Variants in COL4A3 observed in about 807,000 individuals in gnomAD.
COL4A3 encodes the protein collagen alpha-3(IV) chain.
Under a neutral mutation model 217.4 loss-of-function variants are expected in COL4A3, and 135 were observed. That is an observed-to-expected ratio of 0.62 (90% CI 0.54 to 0.72). COL4A3 has a LOEUF of 0.72. Ranked by LOEUF, COL4A3 falls within the 30% of genes least tolerant of loss-of-function variation. The probability of loss-of-function intolerance (pLI) is 0.00; values close to 1 mark genes in which losing one functional copy is unlikely to be tolerated. For missense variants in COL4A3, 1,868 were observed against 2,119.9 expected (o/e 0.88, Z 2.33); for synonymous variants, 690 against 736.3 (o/e 0.94, Z 1.02).
chr2:227,237,450 A>G (rs1273015999), intron 1 of COL4A3, among the ~76,000 whole-genome samples: 1 of 152,234 alleles, frequency 6.6e-6, no homozygotes, highest in Non-Finnish European at 1.5e-5. Flanking sequence ...GGCACTAACC[A>G]AATACATTGT....
chr2:227,286,529 T>C (rs927983467), intron 34 of COL4A3, among the ~76,000 whole-genome samples: 2 of 152,094 alleles, frequency 1.3e-5, no homozygotes, highest in Non-Finnish European at 2.9e-5. Flanking sequence ...TAGGAGTAGG[T>C]ACTACTATTG....
chr2:227,202,864 T>G lies in COL4A3; in HGVS notation c.88-35104T>G, dbSNP rs1380985459. Among the ~76,000 whole-genome samples, 2 of 44,586 alleles carry G rather than the reference T, an allele frequency of 4.5e-5. 1 individual carries two copies. Among genetic ancestry groups the G allele is most frequent in the Non-Finnish European group, 8.0e-5 (2 of 25,148 alleles). The allele number at this position is 44,586 out of a possible 152,430, so 29.3% of individuals were successfully genotyped here. On this transcript the variant is annotated intron_variant, in intron 1 of 51. Coordinates refer to ENST00000396578, the MANE Select transcript of COL4A3 (RefSeq NM_000091.5). ...ATATATACATATGTGTATATATACA[T>G]ATATGTGTATATATACATATGTGTA...
intron 42 of COL4A3, 149 bp downstream of exon 42, chr2:227,298,008 A>G (rs930786924): frequency 1.1e-6 from 1 of 926,116 alleles, no homozygotes; most frequent in African/African-American, 1.6e-5. Context: ...CATACCCAGC[A>G]GTTGTCAAGG....
chr2:227,194,990 TAATCTA>T (rs1230980987), intron 1 of COL4A3, among the ~76,000 whole-genome samples: 1 of 152,144 alleles, frequency 6.6e-6, no homozygotes, highest in Non-Finnish European at 1.5e-5. Context: ...AAGAGATAGA[TAATCTA>T]AATAAACCAA....
rs78774150 is a variant in COL4A3 at position 227,194,511 on chromosome 2, C to T, written c.87+29698C>T. ...TTGCCAGAAGCCTGAAAGCTCAGGA[C>T]CCCCTTGTGGGAGCCCCTTTCTGTG... is the stretch of plus-strand genomic sequence containing the variant. On this transcript the variant is annotated intron_variant, in intron 1 of 51. Transcript: ENST00000396578. Among the ~76,000 whole-genome samples, 774 of 152,314 alleles carry T rather than the reference C, an allele frequency of 5.1e-3. 6 individuals carry two copies. The highest frequency in any genetic ancestry group is 0.017 in the African/African-American group (719 of 41,574).
At chr2:227,289,070 C>T (rs1395378829) in intron 34 of COL4A3, 80 bp from the exon 35 acceptor site, 26 of 1,043,520 alleles carry the variant, frequency 2.5e-5, no homozygotes, top group Non-Finnish European at 3.6e-5. Context: ...CCTGCCTCAG[C>T]CTCCCACGTA....
chr2:227,171,556 T>A (rs901421557), intron 1 of COL4A3, among the ~76,000 whole-genome samples: 1 of 152,188 alleles, frequency 6.6e-6, no homozygotes, highest in African/African-American at 2.4e-5. Context: ...TGTCTTAGTC[T>A]GCTTGGGCTG....
rs1574748157 is a variant in COL4A3 at position 227,270,838 on chromosome 2, G to A, written c.1644G>A (p.Gly548=). ...GEKGETLQPE[G]QVGVPGDPGL... ...AAGGTGAAACACTTCAGCCTGAGGG[G>A]CAAGTGGGTGTCCCAGGTGACCCGG... Residue 548 remains glycine, a synonymous_variant, in exon 25 of 52, where the codon GGG becomes GGA. Transcript: ENST00000396578. 1 of 1,614,178 alleles carries A rather than the reference G, an allele frequency of 6.2e-7. No homozygotes were observed. The highest frequency in any genetic ancestry group is 8.5e-7 in the Non-Finnish European group (1 of 1,180,038).
At chr2:227,239,652 AT>A (rs1044123657) in intron 2 of COL4A3, among the ~76,000 whole-genome samples, 4 of 152,178 alleles carry the variant, frequency 2.6e-5, no homozygotes, top group African/African-American at 9.7e-5. Flanking sequence ...CAAATAACAG[AT>A]TAAATTACTA....
At chr2:227,275,699 C>T (rs915908552) in intron 26 of COL4A3, among the ~76,000 whole-genome samples, 5 of 152,164 alleles carry the variant, frequency 3.3e-5, no homozygotes, top group East Asian at 1.9e-4. Flanking sequence ...TTCTTTCCCC[C>T]GCGACAGATG....
intron 1 of COL4A3, among the ~76,000 whole-genome samples, chr2:227,178,107 A>G (rs1391195489): frequency 1.3e-5 from 2 of 152,122 alleles, no homozygotes; most frequent in Non-Finnish European, 2.9e-5. Flanking sequence ...GGGCATGCTG[A>G]CTCACACCTG....
intron 34 of COL4A3, among the ~76,000 whole-genome samples, chr2:227,288,424 G>T (rs143233056): frequency 6.6e-6 from 1 of 152,212 alleles, no homozygotes; most frequent in Admixed American, 6.5e-5. Flanking sequence ...CAGGAGAAGA[G>T]TATGATCAAA....
intron 1 of COL4A3, among the ~76,000 whole-genome samples, chr2:227,165,017 G>A (rs1279768910): frequency 6.6e-6 from 1 of 152,206 alleles, no homozygotes; most frequent in Non-Finnish European, 1.5e-5. Context: ...TGGAATGCGC[G>A]GGGCTGGGGG....
At chr2:227,233,812 C>A (rs1395054281) in intron 1 of COL4A3, among the ~76,000 whole-genome samples, 1 of 152,108 alleles carries the variant, frequency 6.6e-6, no homozygotes, top group Non-Finnish European at 1.5e-5. Flanking sequence ...AGCCTCTCAC[C>A]CGACTGCTAA....
intron 1 of COL4A3, among the ~76,000 whole-genome samples, chr2:227,185,626 C>T (rs1177928697): frequency 2.0e-5 from 3 of 152,190 alleles, no homozygotes; most frequent in African/African-American, 7.2e-5. Context: ...CACCATGTAG[C>T]TATTTGGTGT....
At chr2:227,284,431 A>G in intron 34 of COL4A3, 86 bp downstream of exon 34, 1 of 1,480,926 alleles carries the variant, frequency 6.8e-7, no homozygotes, top group Non-Finnish European at 9.2e-7. Flanking sequence ...TGGTTGACAA[A>G]TAAGGACAGT....
rs1194237728 is a variant in COL4A3 at position 227,250,904 on chromosome 2, T to G, written c.547-236T>G. ...GAGAAAAGCAAAATTTTGAAACGTC[T>G]GAAGTAAAGCAACTACTTTGGTCAT... On this transcript the variant is annotated intron_variant, in intron 9 of 51. Coordinates refer to ENST00000396578, the MANE Select transcript of COL4A3 (RefSeq NM_000091.5). The surrounding 1 kb of genome is among the most constrained non-coding windows in gnomAD (Gnocchi z 4.1). Among the ~76,000 whole-genome samples, 1 of 152,184 alleles carries G rather than the reference T, an allele frequency of 6.6e-6. No individual in the cohort carries two copies. Among genetic ancestry groups the G allele is most frequent in the Non-Finnish European group, 1.5e-5 (1 of 68,040 alleles).
chr2:227,260,383 C>A (rs1323138574), intron 19 of COL4A3, among the ~76,000 whole-genome samples: 1 of 152,094 alleles, frequency 6.6e-6, no homozygotes, highest in African/African-American at 2.4e-5. Flanking sequence ...TATTGAAAAC[C>A]CTGGGAACTT....
In COL4A3 at chr2:227,281,132, C is replaced by T. The variant is rs893862888; in HGVS notation, c.2488+126C>T. 1.8e-5 allele frequency: 13 copies of T among 731,654 alleles called. No homozygotes were observed. The South Asian group carries it at 1.9e-4, about 11-fold the overall frequency. 45.3% of individuals were successfully genotyped at this position (731,654 alleles called of 1,614,324 possible). On this transcript the variant is annotated intron_variant, in intron 31 of 51. Coordinates refer to ENST00000396578, the MANE Select transcript of COL4A3 (RefSeq NM_000091.5). ...CCTGACCACTGTTCAATGAGAAATACTTCAGAAGTGTAAACCTTGCTGTTA... is the reference window on the plus strand; with the variant it reads ...CCTGACCACTGTTCAATGAGAAATATTTCAGAAGTGTAAACCTTGCTGTTA...
Sources: allele counts gnomAD v4.1 joint callset (sites outside exome capture counted in the v4.1 genomes callset), GRCh38; gene constraint gnomAD v4.1.1; non-coding constraint Gnocchi (gnomAD v3.1); transcripts MANE v1.5; gene names NCBI Gene and HGNC (gene_info 2026-07-23, HGNC 2026-07-21).